VWDE: variants seen among roughly 807,000 people sequenced by gnomAD.
VWDE encodes the protein von Willebrand factor D and EGF domain-containing protein.
In VWDE, 207 loss-of-function variants were observed where a neutral mutation model predicts 178.4. The observed-to-expected ratio is 1.16, with a 90% CI of 1.04 to 1.30. The LOEUF (loss-of-function observed/expected upper bound fraction) is 1.30. Ranked by LOEUF, VWDE falls within the 50% of genes most tolerant of loss-of-function variation. The pLI is 0.00. For synonymous variants in VWDE, 738 were observed against 651.4 expected, an observed-to-expected ratio of 1.13 and a Z score of -2.02; for missense variants, 2,287 against 1,901.3, an observed-to-expected ratio of 1.20 and a Z score of -3.77.
chr7:12,372,485 C>T (rs888359844), intron 10 of VWDE, among the ~76,000 whole-genome samples: 1 of 151,842 alleles, frequency 6.6e-6, no homozygotes, highest in Non-Finnish European at 1.5e-5. Flanking sequence ...AAATAGTTTA[C>T]TCACAGATAT....
At chr7:12,355,247 T>C (rs1005552779) in intron 18 of VWDE, among the ~76,000 whole-genome samples, 1 of 151,966 alleles carries the variant, frequency 6.6e-6, no homozygotes, top group Non-Finnish European at 1.5e-5. Flanking sequence ...AAACCCCATC[T>C]CTACTAAAAA....
chr7:12,348,022 T>G (rs184548565), intron 19 of VWDE, among the ~76,000 whole-genome samples: 2,602 of 152,140 alleles, frequency 0.017, 74 homozygotes, highest in African/African-American at 0.059. Flanking sequence ...GCTAGCCATA[T>G]GTGGAAAGCT....
intron 24 of VWDE, among the ~76,000 whole-genome samples, chr7:12,338,427 A>T (rs1486414885): frequency 6.6e-6 from 1 of 151,932 alleles, no homozygotes; most frequent in Non-Finnish European, 1.5e-5. Context: ...CTACTACAAA[A>T]ACTCCATATA....
intron 13 of VWDE, among the ~76,000 whole-genome samples, chr7:12,367,026 A>C (rs1782895755): frequency 1.3e-5 from 2 of 152,064 alleles, no homozygotes. Flanking sequence ...AGTTGATGCA[A>C]GATGTCTTGG....
intron 19 of VWDE, among the ~76,000 whole-genome samples, chr7:12,350,760 A>G (rs1781886259): frequency 6.6e-6 from 1 of 152,150 alleles, no homozygotes; most frequent in South Asian, 2.1e-4. Flanking sequence ...TCTGTAAAAT[A>G]GAAGTAATAA....
chr7:12,337,572 A>G (rs73292365), intron 24 of VWDE, among the ~76,000 whole-genome samples: 2,838 of 152,280 alleles, frequency 0.019, 82 homozygotes, highest in African/African-American at 0.064. Context: ...TAAAGCATGG[A>G]ATGATCTAGA....
At position 12,370,139 on chromosome 7, in the gene VWDE, G is replaced by C; in HGVS notation, c.2167C>G (p.Leu723Val). 6.4e-7 allele frequency: 1 copy of C among 1,551,458 alleles called. No homozygotes were observed. The highest frequency in any genetic ancestry group is 8.7e-7 in the Non-Finnish European group (1 of 1,146,894). The change falls in exon 12 of 29, where the codon CTA (leucine) becomes GTA (valine). Residue 723 changes from leucine (L) to valine (V), a missense_variant. Coordinates refer to ENST00000275358, the MANE Select transcript of VWDE (RefSeq NM_001135924.3). ...TATTTCTTATTGGCCAAATATTGTA[G>C]TGAATCTTCTTTCTCATTTCCAGGA... Reference protein sequence around the residue: ...KHPGNEKEDSLQYLANKKYTQ... With the variant: ...KHPGNEKEDSVQYLANKKYTQ...
intron 9 of VWDE, among the ~76,000 whole-genome samples, chr7:12,373,956 C>G (rs1783361964): frequency 6.6e-6 from 1 of 152,084 alleles, no homozygotes; most frequent in South Asian, 2.1e-4. Flanking sequence ...GTATAACTCT[C>G]TTATAGAACA....
chr7:12,350,625 T>G (rs1781876817), intron 19 of VWDE, among the ~76,000 whole-genome samples: 1 of 152,124 alleles, frequency 6.6e-6, no homozygotes, highest in Non-Finnish European at 1.5e-5. Flanking sequence ...TACACTACAA[T>G]GAGAGCGTAA....
intron 1 of VWDE, among the ~76,000 whole-genome samples, chr7:12,403,213 A>G (rs1562528827): frequency 6.6e-6 from 1 of 152,224 alleles, no homozygotes; most frequent in Non-Finnish European, 1.5e-5. Context: ...TTGTAGGGAT[A>G]AAATGTTCAC....
At chr7:12,400,088 T>C (rs6966791) in intron 1 of VWDE, among the ~76,000 whole-genome samples, 15,149 of 152,144 alleles carry the variant, frequency 0.1, 1,040 homozygotes, top group Non-Finnish European at 0.14. Flanking sequence ...TAGAGGGACA[T>C]GTATAGACAG....
chr7:12,370,920 G>T (rs1783162742), intron 10 of VWDE, 56 bp from the exon 11 acceptor site: 3 of 1,269,804 alleles, frequency 2.4e-6, no homozygotes, highest in Non-Finnish European at 3.1e-6. Flanking sequence ...ATTCAACCTG[G>T]ATTAAGAAAA....
At chr7:12,376,146 A>C (rs1783517595) in intron 7 of VWDE, among the ~76,000 whole-genome samples, 1 of 152,074 alleles carries the variant, frequency 6.6e-6, no homozygotes, top group Admixed American at 6.6e-5. Context: ...AAATAACAGA[A>C]ACATTCAAAC....
Position 12,370,300 on chromosome 7 carries a change from G to C in VWDE, c.2006C>G (p.Ser669Cys). The C allele has an allele frequency of 6.4e-7, 1 of 1,551,098 alleles. No individual in the cohort carries two copies. The highest frequency in any genetic ancestry group is 8.7e-7 in the Non-Finnish European group (1 of 1,146,812). Residue 669 changes from serine to cysteine, a missense_variant, in exon 12 of 29, where the codon TCC becomes TGC. Ser to Cys is a moderately radical substitution (Grantham distance 112). Transcript: ENST00000275358. ...AAGAGTGTCTGAATTAATATATTCGGAGGTGACATCTAGTTCTGGTATCAA... is the reference window on the plus strand; with the variant it reads ...AAGAGTGTCTGAATTAATATATTCGCAGGTGACATCTAGTTCTGGTATCAA... ...SSLIPELDVT[S>C]EYINSDTLVR...
In VWDE at chr7:12,377,829, C is replaced by T. The variant is rs1490014653; in HGVS notation, c.971G>A (p.Ser324Asn). 1 of 1,533,128 alleles carries T rather than the reference C, an allele frequency of 6.5e-7. No homozygotes were observed. The highest frequency in any genetic ancestry group is 2.0e-5 in the Admixed American group (1 of 49,172). 95.0% of individuals were successfully genotyped at this position (1,533,128 alleles called of 1,614,324 possible). ...STVPIICSEFSELDQECKISL... is the reference protein window; with the variant it reads ...STVPIICSEFNELDQECKISL... ...GATTTTGCATTCTTGATCAAGCTCA[C>T]TAAATTCAGAACAAATAATAGGAAC... Residue 324 changes from serine to asparagine, a missense_variant, in exon 7 of 29, where the codon AGT becomes AAT. Physicochemically the swap from Ser to Asn is conservative, Grantham distance 46 (BLOSUM62 1). Coordinates refer to ENST00000275358, the MANE Select transcript of VWDE (RefSeq NM_001135924.3).
intron 13 of VWDE, among the ~76,000 whole-genome samples, chr7:12,362,367 A>C (rs968961601): frequency 6.6e-6 from 1 of 152,010 alleles, no homozygotes; most frequent in East Asian, 1.9e-4. Flanking sequence ...CATAATAAAT[A>C]TTTTTGCTCA....
At chr7:12,364,036 G>A (rs62448566) in intron 13 of VWDE, among the ~76,000 whole-genome samples, 16,430 of 151,948 alleles carry the variant, frequency 0.11, 1,046 homozygotes, top group Non-Finnish European at 0.14. Flanking sequence ...CATTTAGATT[G>A]AGAAACCAGG....
rs911808557 is a variant in VWDE at position 12,339,250 on chromosome 7, A to G, written c.4366+1072T>C. ...GAGAGATTTCTTCCTTTATCCACTT[A>G]TACAACTGGCATATACATTTTAGAG... On this transcript the variant is annotated intron_variant, in intron 24 of 28. Transcript: ENST00000275358. Among the ~76,000 whole-genome samples the G allele has an allele frequency of 1.2e-4, 19 of 152,286 alleles. No homozygotes were observed. In the East Asian group the frequency reaches 3.7e-3, roughly 29 times the overall value.
rs139248447 is a variant in VWDE at position 12,333,498 on chromosome 7, T to C, written c.4725A>G (p.Glu1575=). 1,695 of 1,550,952 alleles carry C rather than the reference T, an allele frequency of 1.1e-3. 10 individuals are homozygous for C. The African/African-American group carries it at 0.021, about 19-fold the overall frequency. ...TCTTCTCACATTTGACTCCAGAGTA[T>C]TCAGTGCGGCAGGAACACACATTGG... ...IFPNVCSCRT[E]YSGVKCEKKI... Residue 1575 remains glutamate, a synonymous_variant, in exon 28 of 29, where the codon GAA becomes GAG. Transcript: ENST00000275358.
Sources: gnomAD v4.1 joint callset for allele counts (sites outside exome capture counted in the v4.1 genomes callset) on GRCh38, gnomAD v4.1.1 for gene constraint, MANE v1.5 for transcripts, NCBI Gene and HGNC (gene_info 2026-07-23, HGNC 2026-07-21) for gene names.